RASGRP3: variants seen among roughly 807,000 people sequenced by gnomAD.
RASGRP3 encodes RAS guanyl releasing protein 3, also known as ras guanyl-releasing protein 3.
RASGRP3 carries 54 observed loss-of-function variants against 82.7 expected under a neutral mutation model. The ratio of observed to expected loss-of-function variants is 0.65; its 90% CI spans 0.52 to 0.82. The LOEUF (loss-of-function observed/expected upper bound fraction) is 0.82, where lower values mean the gene tolerates loss of function less well. Among genes scored for constraint, RASGRP3 ranks in the 40% least tolerant of loss-of-function variants. The probability of loss-of-function intolerance (pLI) is 0.00; values close to 1 mark genes in which losing one functional copy is unlikely to be tolerated. For synonymous variants in RASGRP3, 309 were observed against 300.5 expected (o/e 1.03, Z -0.29); for missense variants, 861 against 828.9 (o/e 1.04, Z -0.48).
At chr2:33,520,306 A>T (rs1671900369) in intron 5 of RASGRP3, among the ~76,000 whole-genome samples, 1 of 152,160 alleles carries the variant, frequency 6.6e-6, no homozygotes, top group Admixed American at 6.5e-5. Context: ...CTCACCATGA[A>T]TTGAAGGAAG....
intron 4 of RASGRP3, 126 bp downstream of exon 4, chr2:33,516,770 AATAT>A (rs1265100738): frequency 1.5e-6 from 1 of 667,204 alleles, no homozygotes; most frequent in African/African-American, 1.8e-5. Flanking sequence ...CTGTTTTGTG[AATAT>A]ATATAGATGT....
At chr2:33,558,614 G>C (rs912120234) in intron 16 of RASGRP3, 58 bp from the exon 17 acceptor site, 1 of 1,438,096 alleles carries the variant, frequency 7.0e-7, no homozygotes. Flanking sequence ...CACTAACCTT[G>C]ATGCTTTGCT....
At chr2:33,495,908 C>T (rs1000392978) in intron 1 of RASGRP3, among the ~76,000 whole-genome samples, 1 of 152,184 alleles carries the variant, frequency 6.6e-6, no homozygotes, top group African/African-American at 2.4e-5. Context: ...CAGTCAGTTG[C>T]TGCTCAGCTC....
chr2:33,486,922 C>G (rs28565307), intron 1 of RASGRP3, among the ~76,000 whole-genome samples: 1 of 151,680 alleles, frequency 6.6e-6, no homozygotes, highest in Non-Finnish European at 1.5e-5. Flanking sequence ...TGAAGCATGT[C>G]GGTATTTTTG....
chr2:33,437,805 T>C (rs140399619), intron 1 of RASGRP3, among the ~76,000 whole-genome samples: 4 of 152,288 alleles, frequency 2.6e-5, no homozygotes, highest in African/African-American at 9.6e-5. Flanking sequence ...AGATCATGAT[T>C]TCTTAGCTGA....
Position 33,471,577 on chromosome 2 carries a change from G to T in RASGRP3, c.-261+23634G>T, listed in dbSNP as rs147764158. On this transcript the variant is annotated intron_variant, in intron 2 of 18. Coordinates refer to the RASGRP3 transcript ENST00000402538. ...TTATCAGTTTTTTTTTTTAAGACAG[G>T]GTATTATGTTAGCTTTCTGTTACTT... Among the ~76,000 whole-genome samples the T allele has an allele frequency of 3.4e-3, 515 of 151,612 alleles. 3 individuals are homozygous for T. The highest frequency in any genetic ancestry group is 0.012 in the African/African-American group (484 of 41,352).
chr2:33,456,385 T>A (rs1362036941), intron 2 of RASGRP3, among the ~76,000 whole-genome samples: 1 of 152,218 alleles, frequency 6.6e-6, no homozygotes, highest in Non-Finnish European at 1.5e-5. Flanking sequence ...TTTGGATATT[T>A]CAAATTTTCT....
At chr2:33,481,946 C>G (rs1187353821) in intron 1 of RASGRP3, 1 of 152,100 alleles carries the variant, frequency 6.6e-6, no homozygotes, top group East Asian at 1.9e-4. Context: ...TCAGGTGATC[C>G]ACCCACCTTG....
intron 10 of RASGRP3, chr2:33,533,539 C>A (rs1673305136): frequency 6.6e-6 from 1 of 152,220 alleles, no homozygotes; most frequent in Non-Finnish European, 1.5e-5. Flanking sequence ...GGTCCTGACA[C>A]AAATCCAACT....
intron 2 of RASGRP3, chr2:33,514,018 G>C (rs920319998): frequency 1.3e-5 from 2 of 152,178 alleles, no homozygotes; most frequent in African/African-American, 4.8e-5. Context: ...GCATGGTTTT[G>C]GGTAAGTTGC....
intron 2 of RASGRP3, among the ~76,000 whole-genome samples, chr2:33,512,995 G>A (rs1289234351): frequency 2.0e-5 from 3 of 152,208 alleles, no homozygotes; most frequent in Non-Finnish European, 4.4e-5. Context: ...TGAGAGGTGG[G>A]TGAGAGCTGA....
At chr2:33,469,191 C>A (rs1051357014) in intron 2 of RASGRP3, among the ~76,000 whole-genome samples, 1 of 152,038 alleles carries the variant, frequency 6.6e-6, no homozygotes, top group Non-Finnish European at 1.5e-5. Context: ...ATTGTAAATG[C>A]TATTTATATG....
chr2:33,555,053 C>T (rs1229771313), intron 14 of RASGRP3: 1 of 152,836 alleles, frequency 6.5e-6, no homozygotes, highest in Non-Finnish European at 1.5e-5. Context: ...AGATCATTTC[C>T]TCTTCTGTAT....
upstream of RASGRP3, among the ~76,000 whole-genome samples, chr2:33,474,169 T>G (rs181955405): frequency 1.4e-3 from 212 of 152,138 alleles, no homozygotes; most frequent in African/African-American, 4.9e-3. Context: ...TTTACACTTA[T>G]GATGTAGTTT....
At chr2:33,503,043 G>C (rs1670024185) in intron 1 of RASGRP3, among the ~76,000 whole-genome samples, 1 of 152,174 alleles carries the variant, frequency 6.6e-6, no homozygotes, top group African/African-American at 2.4e-5. Flanking sequence ...CATTTTGACA[G>C]ACTGTTTCCC....
At chr2:33,460,489 G>A (rs1666298094) in intron 2 of RASGRP3, among the ~76,000 whole-genome samples, 1 of 151,860 alleles carries the variant, frequency 6.6e-6, no homozygotes, top group Non-Finnish European at 1.5e-5. Context: ...ACTTGCTACA[G>A]TGGGCATGTA....
At chr2:33,465,872 T>C (rs2150906637) in intron 2 of RASGRP3, among the ~76,000 whole-genome samples, 1 of 152,280 alleles carries the variant, frequency 6.6e-6, no homozygotes, top group South Asian at 2.1e-4. Flanking sequence ...TATTTTGCTT[T>C]TTCTCTATAA....
At chr2:33,490,812 T>G (rs1382157912) in intron 1 of RASGRP3, among the ~76,000 whole-genome samples, 1 of 150,566 alleles carries the variant, frequency 6.6e-6, no homozygotes, top group Admixed American at 6.6e-5. Flanking sequence ...TAACTGCAAC[T>G]CAAGATCCAC....
chr2:33,534,107 G>C (rs1362413386), intron 10 of RASGRP3: 2 of 547,768 alleles, frequency 3.7e-6, no homozygotes, highest in African/African-American at 3.8e-5. Flanking sequence ...GAGGAATTGA[G>C]TTGATGGTTC....
Sources: gnomAD v4.1 joint callset for allele counts (sites outside exome capture counted in the v4.1 genomes callset) on GRCh38, gnomAD v4.1.1 for gene constraint, MANE v1.5 for transcripts, NCBI Gene and HGNC (gene_info 2026-07-23, HGNC 2026-07-21) for gene names.